The following MGAT4C variants were observed in gnomAD, a reference collection of about 807,000 sequenced individuals.
MGAT4C encodes MGAT4 family member C, also known as alpha-1,3-mannosyl-glycoprotein 4-beta-N-acetylglucosaminyltransferase C.
A neutral mutation model predicts 40.1 loss-of-function variants in MGAT4C; 19 were observed. The observed-to-expected ratio is 0.47, with a 90% confidence interval of 0.33 to 0.70. MGAT4C has a LOEUF of 0.70. Among genes scored for constraint, MGAT4C ranks in the 30% least tolerant of loss-of-function variants. MGAT4C has a pLI of 0.02. For synonymous variants in MGAT4C, 181 were observed against 187.1 expected (o/e 0.97, Z 0.27); for missense variants, 491 against 563.2 (o/e 0.87, Z 1.30).
In MGAT4C at chr12:86,587,243, G is replaced by C. The variant is rs1389438391; in HGVS notation, c.-229+139966C>G. Among the ~76,000 whole-genome samples, 3 of 152,032 alleles carry C rather than the reference G, an allele frequency of 2.0e-5. No individual in the cohort carries two copies. The East Asian group carries it at 5.8e-4, about 30-fold the overall frequency. ...CCCATTGCTTGTTTTTCTCAGGTTT[G>C]TCAAAGATCAGATAGTTGTAGATAT... On this transcript the variant is annotated intron_variant, in intron 2 of 7. Coordinates refer to the MGAT4C transcript ENST00000548651.
intron 2 of MGAT4C, among the ~76,000 whole-genome samples, chr12:86,539,042 T>C (rs186034138): frequency 1.2e-4 from 19 of 152,336 alleles, no homozygotes; most frequent in Admixed American, 6.5e-4. Flanking sequence ...ATTATTATTA[T>C]ACTTTAAGTT....
intron 2 of MGAT4C, among the ~76,000 whole-genome samples, chr12:86,026,812 A>G (rs1040946611): frequency 1.3e-5 from 2 of 151,832 alleles, no homozygotes; most frequent in Non-Finnish European, 2.9e-5. Flanking sequence ...TAGTTAAATG[A>G]GCTTTCTCAG....
chr12:86,406,592 CA>C (rs1216373608), intron 3 of MGAT4C, among the ~76,000 whole-genome samples: 1 of 151,364 alleles, frequency 6.6e-6, no homozygotes, highest in Admixed American at 6.6e-5. Flanking sequence ...AAGAAACAAA[CA>C]AAAAAACAGT....
intron 1 of MGAT4C, among the ~76,000 whole-genome samples, chr12:86,072,380 C>T (rs1035921265): frequency 6.6e-6 from 1 of 151,504 alleles, no homozygotes. Flanking sequence ...TCAAACCATG[C>T]TTTTTTATTG....
intron 2 of MGAT4C, among the ~76,000 whole-genome samples, chr12:86,471,924 T>C (rs115776416): frequency 3.1e-3 from 476 of 152,270 alleles, no homozygotes; most frequent in African/African-American, 0.011. Context: ...CTATTGATAA[T>C]ATTAGTAAAC....
chr12:86,295,644 C>G (rs1294748647), intron 4 of MGAT4C, among the ~76,000 whole-genome samples: 1 of 152,126 alleles, frequency 6.6e-6, no homozygotes, highest in Non-Finnish European at 1.5e-5. Flanking sequence ...TGGCCCCACC[C>G]ACATCCTGCT....
chr12:86,471,234 T>C (rs1187492088), intron 2 of MGAT4C, among the ~76,000 whole-genome samples: 8 of 152,064 alleles, frequency 5.3e-5, no homozygotes, highest in African/African-American at 1.7e-4. Flanking sequence ...ATAATTTTTC[T>C]ACTTTTAGTT....
chr12:86,208,115 C>T (rs1950329889), intron 1 of MGAT4C, among the ~76,000 whole-genome samples: 1 of 152,108 alleles, frequency 6.6e-6, no homozygotes, highest in East Asian at 1.9e-4. Flanking sequence ...CTTATAGAAT[C>T]CAGATGGCCT....
chr12:86,310,962 A>G (rs1954059188), intron 4 of MGAT4C, among the ~76,000 whole-genome samples: 1 of 152,154 alleles, frequency 6.6e-6, no homozygotes, highest in Non-Finnish European at 1.5e-5. Flanking sequence ...AATTAAGCGG[A>G]AGGGAATAAA....
At chr12:86,658,741 G>T (rs1198216901) in intron 2 of MGAT4C, among the ~76,000 whole-genome samples, 3 of 151,868 alleles carry the variant, frequency 2.0e-5, no homozygotes, top group African/African-American at 7.2e-5. Flanking sequence ...AAATTGTATT[G>T]TTGTTCACAA....
chr12:86,807,984 T>C (rs1400434916), intron 1 of MGAT4C, among the ~76,000 whole-genome samples: 1 of 146,544 alleles, frequency 6.8e-6, no homozygotes, highest in African/African-American at 2.5e-5. Context: ...TTTTTTCTTA[T>C]AAATTTGTTT....
chr12:86,788,614 A>T (rs911949734), intron 1 of MGAT4C, among the ~76,000 whole-genome samples: 2 of 152,192 alleles, frequency 1.3e-5, no homozygotes, highest in African/African-American at 4.8e-5. Flanking sequence ...CTTAAAACTA[A>T]AGTACTTTAT....
intron 2 of MGAT4C, among the ~76,000 whole-genome samples, chr12:86,014,042 G>C (rs778930996): frequency 3.2e-4 from 49 of 152,042 alleles, no homozygotes; most frequent in Non-Finnish European, 5.4e-4. Context: ...TTTCCTGCCT[G>C]CTTCTCCTTC....
At chr12:86,591,764 T>A (rs980168363) in intron 2 of MGAT4C, among the ~76,000 whole-genome samples, 5 of 151,678 alleles carry the variant, frequency 3.3e-5, no homozygotes, top group African/African-American at 1.2e-4. Flanking sequence ...TTTTGCAAAT[T>A]TAATTATATA....
intron 3 of MGAT4C, among the ~76,000 whole-genome samples, chr12:86,352,827 TG>T (rs1955197277): frequency 7.5e-6 from 1 of 132,866 alleles, no homozygotes; most frequent in Non-Finnish European, 1.5e-5. Flanking sequence ...TGAGAACACA[TG>T]GACACAGGAA....
At chr12:86,492,426 T>C (rs1209425491) in intron 2 of MGAT4C, among the ~76,000 whole-genome samples, 3 of 152,134 alleles carry the variant, frequency 2.0e-5, no homozygotes, top group Admixed American at 6.6e-5. Context: ...CAAAACAGCA[T>C]GGTACTGGTA....
chr12:86,716,091 T>C (rs1313055220), intron 2 of MGAT4C, among the ~76,000 whole-genome samples: 2 of 152,144 alleles, frequency 1.3e-5, no homozygotes, highest in African/African-American at 4.8e-5. Context: ...TTTTGTTTGT[T>C]ACTATTGTGA....
chr12:86,373,812 C>T (rs1314196723), intron 3 of MGAT4C, among the ~76,000 whole-genome samples: 8 of 151,950 alleles, frequency 5.3e-5, no homozygotes, highest in Non-Finnish European at 5.9e-5. Context: ...AACACCACCA[C>T]CAAAATTGTT....
At chr12:86,525,635 C>T (rs1313217947) in intron 2 of MGAT4C, among the ~76,000 whole-genome samples, 1 of 152,016 alleles carries the variant, frequency 6.6e-6, no homozygotes, top group African/African-American at 2.4e-5. Context: ...TCGTATTTGA[C>T]AACATTAAGG....
Sources: allele counts gnomAD v4.1 joint callset (sites outside exome capture counted in the v4.1 genomes callset), GRCh38; gene constraint gnomAD v4.1.1; transcripts MANE v1.5; gene names NCBI Gene and HGNC (gene_info 2026-07-23, HGNC 2026-07-21).